STEAP2: variants seen among roughly 807,000 people sequenced by gnomAD.
The protein encoded by STEAP2 is STEAP2 metalloreductase.
In STEAP2, 30 loss-of-function variants were observed where a neutral mutation model predicts 46.4. The ratio of observed to expected loss-of-function variants is 0.65; its 90% CI spans 0.48 to 0.88. STEAP2 has a LOEUF of 0.88. STEAP2 is among the 40% of genes least tolerant of loss of function. The pLI is 0.00. For missense variants in STEAP2, 513 were observed against 579.3 expected (o/e 0.89, Z 1.18); for synonymous variants, 180 against 200.5 (o/e 0.90, Z 0.86).
At chr7:90,213,559 G>T (rs368918216) in intron 1 of STEAP2, among the ~76,000 whole-genome samples, 15 of 152,246 alleles carry the variant, frequency 9.9e-5, no homozygotes, top group African/African-American at 2.9e-4. Context: ...GCCCACATGT[G>T]TTTTCAGCAA....
chr7:90,231,378 T>C (rs17874671), intron 5 of STEAP2, among the ~76,000 whole-genome samples: 1 of 151,902 alleles, frequency 6.6e-6, no homozygotes, highest in African/African-American at 2.4e-5. Flanking sequence ...TTAAATTAGT[T>C]TATTTAATTT....
rs1266463978 is a variant in STEAP2, at chr7:90,225,564, C to A, written c.482C>A (p.Ala161Asp). Residue 161 changes from alanine (A) to aspartate (D), a missense_variant, in exon 3 of 6, where the codon GCC (alanine) becomes GAC (aspartate). Physicochemically the swap from Ala to Asp is moderately radical, Grantham distance 126. Transcript: ENST00000394621. ...AWALQLGPKD[A>D]SRQVYICSNN... ...GCACTTCAGTTAGGACCTAAGGATG[C>A]CAGCCGGCAGGTATGTATTTTACAT... is the stretch of plus-strand genomic sequence containing the variant. 6.3e-7 allele frequency: 1 copy of A among 1,590,604 alleles called. No individual in the cohort carries two copies. Among genetic ancestry groups the A allele is most frequent in the Non-Finnish European group, 8.5e-7 (1 of 1,170,802 alleles).
At chr7:90,240,256 G>A (rs1307608967), downstream of STEAP2, among the ~76,000 whole-genome samples, 2 of 148,640 alleles carry the variant, frequency 1.3e-5, no homozygotes, top group Non-Finnish European at 3.0e-5. The surrounding 1 kb of genome is among the most constrained non-coding windows in gnomAD (Gnocchi z 4.1). Flanking sequence ...ACCCCAGCCT[G>A]GGTGACAGAG....
Position 90,226,950 on chromosome 7 carries a change from GTC to G in STEAP2, c.493-19_493-18del. On this transcript the variant is annotated intron_variant, in intron 3 of 5. Transcript: ENST00000394621. The stretch of plus-strand genomic sequence containing the variant: ...TTATAAACAACAATGGTAATGCTGA[GTC>G]TTTTTGTTTTTTCCACAGGTTTATA... 1 of 1,544,754 alleles carries G rather than the reference GTC, an allele frequency of 6.5e-7. No homozygotes were observed. Among genetic ancestry groups the G allele is most frequent in the Non-Finnish European group, 8.7e-7 (1 of 1,150,368 alleles).
chr7:90,217,251 A>G (rs1795062010), intron 2 of STEAP2, among the ~76,000 whole-genome samples: 1 of 151,968 alleles, frequency 6.6e-6, no homozygotes, highest in Non-Finnish European at 1.5e-5. Flanking sequence ...TATCATATCT[A>G]TGTGTTAAGA....
downstream of STEAP2, among the ~76,000 whole-genome samples, chr7:90,238,516 A>G (rs1378868400): frequency 6.6e-6 from 1 of 152,180 alleles, no homozygotes; most frequent in Non-Finnish European, 1.5e-5. Flanking sequence ...GCTGTTCTAA[A>G]GTGCAATAAT....
chr7:90,227,636 T>A, intron 4 of STEAP2, 138 bp downstream of exon 4: 3 of 840,580 alleles, frequency 3.6e-6, no homozygotes, highest in Non-Finnish European at 5.0e-6. Context: ...AATTGTTCTT[T>A]AAACAATGTT....
Position 90,234,711 on chromosome 7 carries a change from C to T in STEAP2, c.*2087C>T, listed in dbSNP as rs376658661. The T allele has an allele frequency of 2.8e-5, 13 of 462,038 alleles. No individual in the cohort carries two copies. The East Asian group carries it at 1.2e-3, about 44-fold the overall frequency. The allele number at this position is 462,038 out of a possible 1,614,324, so 28.6% of individuals were successfully genotyped here. The stretch of plus-strand genomic sequence containing the variant: ...GACTACAGGTGCCCGCCACCATGCC[C>T]GGCTGATTTCTTTTTGTATTTTTAG... On this transcript the variant is annotated 3_prime_UTR_variant, in exon 6 of 6. Transcript: ENST00000394621.
At position 90,235,568 on chromosome 7, in the gene STEAP2, T is replaced by C; in HGVS notation, c.*2944T>C. The C allele has an allele frequency of 1.0e-6, 1 of 985,072 alleles. No homozygotes were observed. The allele number at this position is 985,072 out of a possible 1,614,324, so 61.0% of individuals were successfully genotyped here. ...TGGTCTGTGTTTTGAGAAGTGCCCC[T>C]TAGAAAGTTAAAAGAATGTAGAAAA... On this transcript the variant is annotated 3_prime_UTR_variant, in exon 6 of 6. Transcript: ENST00000394621.
intron 5 of STEAP2, among the ~76,000 whole-genome samples, chr7:90,231,802 A>T (rs965776708): frequency 1.3e-5 from 2 of 152,020 alleles, no homozygotes; most frequent in African/African-American, 4.8e-5. Flanking sequence ...AATTTTTATA[A>T]AGAAGAGTCT....
rs1795908346 is a variant in STEAP2, at chr7:90,234,878, C to T, written c.*2254C>T. On this transcript the variant is annotated 3_prime_UTR_variant, in exon 6 of 6. Transcript: ENST00000394621. ...ATTATCTTGTACTTTCTAACTGAGC[C>T]CTCTATTTTCTTTATTTTAATAATA... The T allele has an allele frequency of 1.0e-6, 1 of 984,906 alleles. No individual in the cohort carries two copies. Among genetic ancestry groups the T allele is most frequent in the African/African-American group, 1.8e-5 (1 of 57,138 alleles). The allele number at this position is 984,906 out of a possible 1,614,324, so 61.0% of individuals were successfully genotyped here. A position where few individuals can be genotyped will look rare whatever the true frequency, so the allele number is the denominator to read the frequency against.
intron 2 of STEAP2, among the ~76,000 whole-genome samples, chr7:90,218,753 C>T (rs1163487947): frequency 6.6e-6 from 1 of 152,002 alleles, no homozygotes; most frequent in Non-Finnish European, 1.5e-5. Flanking sequence ...TGTAGCTATT[C>T]AGGATATTTT....
intron 3 of STEAP2, 120 bp from the exon 4 acceptor site, chr7:90,226,851 A>G: frequency 1.0e-6 from 1 of 991,258 alleles, no homozygotes; most frequent in South Asian, 1.7e-5. Context: ...ATAGCTGAAA[A>G]TTCAACAAGT....
intron 1 of STEAP2, among the ~76,000 whole-genome samples, chr7:90,213,018 G>C (rs1794881896): frequency 6.6e-6 from 1 of 151,684 alleles, no homozygotes; most frequent in South Asian, 2.1e-4. Context: ...TCTCTTGGTT[G>C]CTTCAAAGCT....
In STEAP2 at chr7:90,235,899, C is replaced by T. The variant is rs1222451280; in HGVS notation, c.*3275C>T. ...TATCAGAGATGATTATTTTGTGCTA[C>T]ATACAGGTTGGCTAATGAGCTCTAG... On this transcript the variant is annotated 3_prime_UTR_variant, in exon 6 of 6. Transcript: ENST00000394621. The T allele has an allele frequency of 1.1e-6, 1 of 908,950 alleles. No individual in the cohort carries two copies. Among genetic ancestry groups the T allele is most frequent in the African/African-American group, 1.8e-5 (1 of 55,688 alleles). 56.3% of individuals were successfully genotyped at this position (908,950 alleles called of 1,614,324 possible).
At chr7:90,227,579 T>A in intron 4 of STEAP2, 81 bp downstream of exon 4, 1 of 1,288,870 alleles carries the variant, frequency 7.8e-7, no homozygotes, top group Non-Finnish European at 1.0e-6. Context: ...AAATTTTACA[T>A]GCCCTGTAAT....
chr7:90,221,814 A>G (rs2116232401), intron 2 of STEAP2, among the ~76,000 whole-genome samples: 1 of 152,360 alleles, frequency 6.6e-6, no homozygotes, highest in East Asian at 1.9e-4. Flanking sequence ...AGGAACTCCC[A>G]GCAAAATAAA....
intron 1 of STEAP2, among the ~76,000 whole-genome samples, chr7:90,212,811 A>C: frequency 1.3e-5 from 2 of 150,394 alleles, no homozygotes; most frequent in African/African-American, 4.9e-5. Context: ...AAGAATTCAG[A>C]CTCCTGCCCC....
At position 90,233,940 on chromosome 7, in the gene STEAP2, A is replaced by G. The variant is rs77115995; in HGVS notation, c.*1316A>G. 2,023 of 985,376 alleles carry G rather than the reference A, an allele frequency of 2.1e-3. 36 individuals are homozygous for G. The African/African-American group carries it at 0.032, about 16-fold the overall frequency. 61.0% of individuals were successfully genotyped at this position (985,376 alleles called of 1,614,324 possible). A position where few individuals can be genotyped will look rare whatever the true frequency, so the allele number is the denominator to read the frequency against. On this transcript the variant is annotated 3_prime_UTR_variant, in exon 6 of 6. Transcript: ENST00000394621. ...AGGGTAATTCACAGTTACTTACCCT[A>G]TTCTTGCTTGGAACATGAGCCTGGA...
Sources: allele counts gnomAD v4.1 joint callset (sites outside exome capture counted in the v4.1 genomes callset), GRCh38; gene constraint gnomAD v4.1.1; non-coding constraint Gnocchi (gnomAD v3.1); transcripts MANE v1.5; gene names NCBI Gene and HGNC (gene_info 2026-07-23, HGNC 2026-07-21).